The following LOC400499 variants were observed in gnomAD, a reference collection of about 807,000 sequenced individuals.
the LOC400499 span, among the ~76,000 whole-genome samples, chr16:11,509,171 G>T: frequency 6.9e-5 from 10 of 145,620 alleles, no homozygotes; most frequent in Non-Finnish European, 1.3e-4. Flanking sequence ...AGGCTGGAGT[G>T]CAGTGGCGCG....
the LOC400499 span, among the ~76,000 whole-genome samples, chr16:11,421,732 T>C: frequency 7.2e-5 from 11 of 152,008 alleles, no homozygotes; most frequent in Admixed American, 2.0e-4. Context: ...GACAAACGCA[T>C]AGGGACGGAA....
chr16:11,382,066 T>A, the LOC400499 span, among the ~76,000 whole-genome samples: 1 of 152,066 alleles, frequency 6.6e-6, no homozygotes, highest in South Asian at 2.1e-4. Context: ...CCTTCATAGT[T>A]GCTGGGATTA....
chr16:11,508,993 G>A, the LOC400499 span: 265 of 397,010 alleles, frequency 6.7e-4, no homozygotes, highest in African/African-American at 5.1e-3. Flanking sequence ...GGGTGTCTAC[G>A]AGGGAAATCA....
the LOC400499 span, among the ~76,000 whole-genome samples, chr16:11,383,443 C>T: frequency 1.3e-5 from 2 of 152,202 alleles, no homozygotes; most frequent in East Asian, 1.9e-4. Flanking sequence ...AAACGGAGGG[C>T]ACTAGGCCAT....
the LOC400499 span, among the ~76,000 whole-genome samples, chr16:11,502,917 CTTTTTT>C: frequency 1.0e-5 from 1 of 98,046 alleles, no homozygotes; most frequent in Non-Finnish European, 1.9e-5. Flanking sequence ...CCTGGACCAC[CTTTTTT>C]TTTTTTTTTT....
the LOC400499 span, chr16:11,390,557 T>C: frequency 9.9e-7 from 1 of 1,008,044 alleles, no homozygotes; most frequent in Non-Finnish European, 1.3e-6. Context: ...AGATAGGGCC[T>C]GTTCCTGGGA....
the LOC400499 span, chr16:11,522,148 G>A: frequency 2.5e-6 from 1 of 398,928 alleles, no homozygotes; most frequent in South Asian, 1.3e-4. Flanking sequence ...ATGTCACCTT[G>A]AACCTGCAGC....
At chr16:11,508,350 G>C in the LOC400499 span, among the ~76,000 whole-genome samples, 1 of 152,214 alleles carries the variant, frequency 6.6e-6, no homozygotes, top group African/African-American at 2.4e-5. Context: ...GAGGAGGCCT[G>C]GGCCATGTGT....
At chr16:11,404,361 T>A in the LOC400499 span, among the ~76,000 whole-genome samples, 2 of 152,120 alleles carry the variant, frequency 1.3e-5, no homozygotes, top group African/African-American at 4.8e-5. Flanking sequence ...CAGTCATGGC[T>A]TTTTTGAGAC....
chr16:11,403,191 G>C, the LOC400499 span, among the ~76,000 whole-genome samples: 1 of 152,170 alleles, frequency 6.6e-6, no homozygotes, highest in African/African-American at 2.4e-5. Flanking sequence ...TGTGAGCTCT[G>C]TACAAAGGGC....
At chr16:11,467,618 A>G in the LOC400499 span, among the ~76,000 whole-genome samples, 4 of 152,194 alleles carry the variant, frequency 2.6e-5, no homozygotes, top group African/African-American at 4.8e-5. Context: ...CCTCAAAAAA[A>G]GAAAATAAAA....
the LOC400499 span, among the ~76,000 whole-genome samples, chr16:11,459,043 A>G: frequency 5.3e-5 from 8 of 151,870 alleles, no homozygotes; most frequent in Admixed American, 6.6e-5. Context: ...TCTCCAAAAA[A>G]ATAAAAAATA....
chr16:11,408,094 T>C, the LOC400499 span, among the ~76,000 whole-genome samples: 1 of 150,200 alleles, frequency 6.7e-6, no homozygotes, highest in African/African-American at 2.4e-5. Context: ...GTGATTCTTC[T>C]GCCTCAGCCT....
the LOC400499 span, among the ~76,000 whole-genome samples, chr16:11,518,207 C>T: frequency 6.6e-6 from 1 of 152,204 alleles, no homozygotes; most frequent in Non-Finnish European, 1.5e-5. Context: ...TGTCCCTCAG[C>T]AGCATCCCCC....
At chr16:11,387,238 G>A in the LOC400499 span, 50 of 1,232,206 alleles carry the variant, frequency 4.1e-5, no homozygotes, top group East Asian at 1.3e-4. Context: ...CCCGGGCCAC[G>A]TCCAGGGGCT....
chr16:11,483,901 T>C, the LOC400499 span, among the ~76,000 whole-genome samples: 1 of 150,556 alleles, frequency 6.6e-6, no homozygotes, highest in Non-Finnish European at 1.5e-5. Flanking sequence ...TGTGATCTAA[T>C]TTACATAATA....
the LOC400499 span, among the ~76,000 whole-genome samples, chr16:11,416,265 T>C: frequency 6.6e-6 from 1 of 152,036 alleles, no homozygotes; most frequent in Non-Finnish European, 1.5e-5. Flanking sequence ...AATAAAAAAA[T>C]TTGAGGCCAA....
chr16:11,456,232 A>G, the LOC400499 span, among the ~76,000 whole-genome samples: 1 of 152,060 alleles, frequency 6.6e-6, no homozygotes, highest in African/African-American at 2.4e-5. Context: ...TTTAGCAGAG[A>G]TGGGGTTTCA....
chr16:11,410,923 G>A, the LOC400499 span, among the ~76,000 whole-genome samples: 6 of 152,260 alleles, frequency 3.9e-5, no homozygotes, highest in Non-Finnish European at 8.8e-5. Flanking sequence ...CCAAAGGGCT[G>A]TGTCATCTGC....
Sources: gnomAD v4.1 joint callset for allele counts (sites outside exome capture counted in the v4.1 genomes callset) on GRCh38, gnomAD v4.1.1 for gene constraint, MANE v1.5 for transcripts.